The following NOL4L variants were observed in gnomAD, a reference collection of about 807,000 sequenced individuals.
NOL4L encodes nucleolar protein 4-like.
In NOL4L, 7 loss-of-function variants were observed where a neutral mutation model predicts 64.5. The observed-to-expected ratio is 0.11, with a 90% CI of 0.06 to 0.20. The LOEUF is 0.20. Among genes scored for constraint, NOL4L ranks in the 10% least tolerant of loss-of-function variants. The pLI, the probability that NOL4L is intolerant of heterozygous loss-of-function variation, is 1.00. For synonymous variants in NOL4L, 413 were observed against 401.0 expected (o/e 1.03, Z -0.36); for missense variants, 680 against 967.1 (o/e 0.70, Z 3.94).
intron 1 of NOL4L, among the ~76,000 whole-genome samples, chr20:32,577,326 G>T (rs553134575): frequency 3.3e-5 from 5 of 152,236 alleles, no homozygotes; most frequent in Admixed American, 1.3e-4. Flanking sequence ...CCTCTTCTCA[G>T]CAGGTGCCTG....
intron 1 of NOL4L, chr20:32,537,250 T>C (rs1210392651): frequency 3.3e-5 from 12 of 363,042 alleles, no homozygotes; most frequent in Middle Eastern, 1.4e-3. Context: ...GTGTGGCCAT[T>C]TGCCCAGGGT....
At chr20:32,481,062 ACACT>A (rs1394750670) in intron 4 of NOL4L, among the ~76,000 whole-genome samples, 1 of 152,166 alleles carries the variant, frequency 6.6e-6, no homozygotes, top group Non-Finnish European at 1.5e-5. Context: ...TCTCTCCCTC[ACACT>A]CACTCACACG....
intron 4 of NOL4L, chr20:32,483,417 G>C (rs1300296948): frequency 1.0e-6 from 1 of 987,072 alleles, no homozygotes; most frequent in South Asian, 4.6e-5. Flanking sequence ...GAGCGGGGCG[G>C]GCGGCGGTGA....
chr20:32,530,690 G>A (rs1049234991), intron 1 of NOL4L, among the ~76,000 whole-genome samples: 1 of 152,174 alleles, frequency 6.6e-6, no homozygotes, highest in Non-Finnish European at 1.5e-5. Context: ...GGGAGGCCCA[G>A]GCAGCCAGAT....
chr20:32,543,292 A>G (rs1425518958), intron 1 of NOL4L, among the ~76,000 whole-genome samples: 2 of 152,172 alleles, frequency 1.3e-5, no homozygotes, highest in Non-Finnish European at 2.9e-5. Flanking sequence ...CAGCCTGGCC[A>G]ACATGGTGAA....
intron 1 of NOL4L, among the ~76,000 whole-genome samples, chr20:32,535,221 C>T (rs1456441014): frequency 1.3e-5 from 2 of 149,108 alleles, no homozygotes; most frequent in Non-Finnish European, 3.0e-5. Flanking sequence ...GGGACAAAGG[C>T]AGTATTTTAA....
At chr20:32,490,480 C>G (rs1448222596) in intron 4 of NOL4L, among the ~76,000 whole-genome samples, 2 of 152,160 alleles carry the variant, frequency 1.3e-5, no homozygotes, top group Non-Finnish European at 2.9e-5. Context: ...CAGGGCTTCA[C>G]AAGTGCCTGG....
In NOL4L at chr20:32,584,700, G is replaced by A. The variant is rs759314048; in HGVS notation, c.191C>T (p.Ala64Val). Reference sequence around the variant, plus strand: ...CTCGCCGGCTGCGGGGCCGCTGCCCGCGCCAGTCCCGCCGCCGCCCTGCAG... The same window carrying A: ...CTCGCCGGCTGCGGGGCCGCTGCCCACGCCAGTCCCGCCGCCGCCCTGCAG... ...EVLQGGGGTGAGSGPAAGEKG... is the reference protein window; with the variant it reads ...EVLQGGGGTGVGSGPAAGEKG... The change falls in exon 1 of 11, where the codon GCG (alanine) becomes GTG (valine). Residue 64 changes from alanine to valine, a missense_variant. By Grantham distance (64) the Ala-to-Val change is moderately conservative (BLOSUM62 0). Coordinates refer to ENST00000621426, the MANE Select transcript of NOL4L (RefSeq NM_001256798.2). 9.2e-5 allele frequency: 143 copies of A among 1,548,210 alleles called. No homozygotes were observed. The highest frequency in any genetic ancestry group is 1.1e-4 in the Non-Finnish European group (128 of 1,145,846).
rs1568654908 is a variant in NOL4L, at chr20:32,494,252, G to GAAAAAAAAAAAAAAAA, written c.699+17094_699+17095insTTTTTTTTTTTTTTTT. On this transcript the variant is annotated intron_variant, in intron 4 of 10. Coordinates refer to ENST00000621426, the MANE Select transcript of NOL4L (RefSeq NM_001256798.2). ...TGGGCCACAGAGTGAGATAATCTCG[G>GAAAAAAAAAAAAAAAA]GAAAAAAAAAAAAAAAAAAAAAAAA... 3.7e-4 allele frequency among the ~76,000 whole-genome samples: 10 copies of GAAAAAAAAAAAAAAAA among 27,094 alleles called. 2 individuals are homozygous for GAAAAAAAAAAAAAAAA. Among genetic ancestry groups the GAAAAAAAAAAAAAAAA allele is most frequent in the African/African-American group, 1.5e-3 (10 of 6,482 alleles). 17.8% of individuals were successfully genotyped at this position (27,094 alleles called of 152,430 possible).
At chr20:32,468,916 AAAAAGAAAG>A (rs1405753982) in intron 5 of NOL4L, among the ~76,000 whole-genome samples, 2,518 of 144,550 alleles carry the variant, frequency 0.017, 18 homozygotes, top group Non-Finnish European at 0.025. Context: ...AAAAAAAAAA[AAAAAGAAAG>A]AAAGAAAGAA....
chr20:32,511,145 C>G (rs1246593962), intron 4 of NOL4L: 1 of 486,486 alleles, frequency 2.1e-6, no homozygotes, highest in Non-Finnish European at 3.7e-6. Flanking sequence ...ACCTGCAGGG[C>G]TGTCTGCACA....
chr20:32,482,743 G>A (rs985930347), intron 4 of NOL4L, among the ~76,000 whole-genome samples: 1 of 151,810 alleles, frequency 6.6e-6, no homozygotes, highest in African/African-American at 2.4e-5. Flanking sequence ...GCTGAAGTGG[G>A]CTCAACTCTG....
At chr20:32,472,121 AAAC>A (rs969979264) in intron 5 of NOL4L, among the ~76,000 whole-genome samples, 1 of 152,224 alleles carries the variant, frequency 6.6e-6, no homozygotes, top group African/African-American at 2.4e-5. Context: ...CCCCAGAAAC[AAAC>A]AACCCAACTT....
chr20:32,535,079 CA>C (rs909659450), intron 1 of NOL4L, among the ~76,000 whole-genome samples: 1 of 151,762 alleles, frequency 6.6e-6, no homozygotes, highest in Non-Finnish European at 1.5e-5. Flanking sequence ...ACTAAGAGAA[CA>C]AAAAGAAAAG....
intron 4 of NOL4L, among the ~76,000 whole-genome samples, chr20:32,481,069 CT>C (rs2015685262): frequency 6.6e-6 from 1 of 152,232 alleles, no homozygotes; most frequent in Admixed American, 6.5e-5. Flanking sequence ...CTCACACTCA[CT>C]CACACGCACA....
chr20:32,469,938 T>C (rs1187415053), intron 5 of NOL4L, among the ~76,000 whole-genome samples: 2 of 152,200 alleles, frequency 1.3e-5, no homozygotes, highest in Non-Finnish European at 2.9e-5. Context: ...AGTGCCTTTG[T>C]CCAGACTCAG....
At chr20:32,506,350 G>A (rs1240229280) in intron 4 of NOL4L, among the ~76,000 whole-genome samples, 1 of 151,728 alleles carries the variant, frequency 6.6e-6, no homozygotes, top group African/African-American at 2.4e-5. Context: ...CTCTCTGCTT[G>A]CCCAAGCCAG....
intron 1 of NOL4L, among the ~76,000 whole-genome samples, chr20:32,541,352 T>A (rs148356477): frequency 6.6e-6 from 1 of 152,362 alleles, no homozygotes; most frequent in East Asian, 1.9e-4. Flanking sequence ...TCTACATTAT[T>A]GCCTTTCTCA....
At position 32,579,776 on chromosome 20, in the gene NOL4L, C is replaced by T. The variant is rs539765293; in HGVS notation, c.321+4794G>A. Among the ~76,000 whole-genome samples the T allele has an allele frequency of 1.6e-3, 249 of 152,294 alleles. 1 individual carries two copies. The highest frequency in any genetic ancestry group is 3.4e-3 in the Middle Eastern group (1 of 294). The stretch of plus-strand genomic sequence containing the variant: ...CAGGACCATGCCACCCAAATCACAA[C>T]GTGTAACTGACAAAAACGCACGCTC... On this transcript the variant is annotated intron_variant, in intron 1 of 10. Transcript: ENST00000621426.
Sources: allele counts gnomAD v4.1 joint callset (sites outside exome capture counted in the v4.1 genomes callset), GRCh38; gene constraint gnomAD v4.1.1; transcripts MANE v1.5; gene names NCBI Gene and HGNC (gene_info 2026-07-23, HGNC 2026-07-21).